RIN2: variants seen among roughly 807,000 people sequenced by gnomAD.
RIN2 encodes the protein RAB5 interacting protein 2.
A neutral mutation model predicts 78.0 loss-of-function variants in RIN2; 36 were observed. The ratio of observed to expected loss-of-function variants is 0.46; its 90% CI spans 0.35 to 0.61. RIN2 has a LOEUF of 0.61. Among genes scored for constraint, RIN2 ranks in the 20% least tolerant of loss-of-function variants. RIN2 has a pLI of 0.00. For missense variants in RIN2, 1,087 were observed against 1,159.7 expected (o/e 0.94, Z 0.91); for synonymous variants, 466 against 466.8 (o/e 1.00, Z 0.02).
chr20:19,776,033 T>C lies in RIN2; in HGVS notation c.-163+17706T>C, dbSNP rs532843319. On this transcript the variant is annotated intron_variant, in intron 1 of 12. Transcript: ENST00000255006. Reference sequence around the variant, plus strand: ...TCTGGCCTCAATCTTTTATGTGCCCTAAAGTCAACCATTAACTTCTTTTCA... The same window carrying C: ...TCTGGCCTCAATCTTTTATGTGCCCCAAAGTCAACCATTAACTTCTTTTCA... Among the ~76,000 whole-genome samples, 5 of 152,376 alleles carry C rather than the reference T, an allele frequency of 3.3e-5. No homozygotes were observed. In the East Asian group the frequency reaches 9.6e-4, roughly 29 times the overall value.
chr20:19,775,396 G>A (rs955111242), intron 1 of RIN2, among the ~76,000 whole-genome samples: 3 of 152,152 alleles, frequency 2.0e-5, no homozygotes, highest in Admixed American at 1.3e-4. Flanking sequence ...CATTGAAGTC[G>A]GTATTTTGGA....
At chr20:19,945,664 T>A (rs2146183333) in intron 4 of RIN2, among the ~76,000 whole-genome samples, 1 of 152,308 alleles carries the variant, frequency 6.6e-6, no homozygotes, top group South Asian at 2.1e-4. Context: ...CACTGACTTT[T>A]CTTTTTATCT....
intron 2 of RIN2, among the ~76,000 whole-genome samples, chr20:19,821,275 T>C (rs2035918491): frequency 6.6e-6 from 1 of 152,202 alleles, no homozygotes; most frequent in South Asian, 2.1e-4. Context: ...CTTTTATCTT[T>C]CTAGATGTCT....
intron 4 of RIN2, among the ~76,000 whole-genome samples, chr20:19,954,914 T>C (rs1197153279): frequency 6.6e-6 from 1 of 152,198 alleles, no homozygotes; most frequent in East Asian, 1.9e-4. Flanking sequence ...AGAACCAGTA[T>C]TGGCACCAAA....
At chr20:19,890,952 T>A (rs79423592) in intron 3 of RIN2, among the ~76,000 whole-genome samples, 2,852 of 152,304 alleles carry the variant, frequency 0.019, 80 homozygotes, top group African/African-American at 0.066. Flanking sequence ...TATATTGAAG[T>A]GGCTCTTGAC....
In RIN2 at chr20:20,002,375, A is replaced by G. The variant is rs1024923742; in HGVS notation, c.*1439A>G. On this transcript the variant is annotated 3_prime_UTR_variant, in exon 13 of 13. Transcript: ENST00000255006. Reference sequence around the variant, plus strand: ...CACATACTGTGTTGTACTTTTGTAAATGATTTTTTAAATGGAATTTTGCAC... The same window carrying G: ...CACATACTGTGTTGTACTTTTGTAAGTGATTTTTTAAATGGAATTTTGCAC... The G allele has an allele frequency of 7.2e-6, 1 of 139,304 alleles. No individual in the cohort carries two copies. The highest frequency in any genetic ancestry group is 1.6e-5 in the Non-Finnish European group (1 of 61,144). 8.6% of individuals were successfully genotyped at this position (139,304 alleles called of 1,614,324 possible).
intron 3 of RIN2, among the ~76,000 whole-genome samples, chr20:19,927,924 A>T (rs1304059558): frequency 6.6e-6 from 1 of 151,864 alleles, no homozygotes; most frequent in African/African-American, 2.4e-5. Flanking sequence ...TGTTTTTGAG[A>T]TGGAGTCTCA....
intron 1 of RIN2, among the ~76,000 whole-genome samples, chr20:19,759,269 G>A (rs896222661): frequency 1.3e-5 from 2 of 152,156 alleles, no homozygotes; most frequent in African/African-American, 4.8e-5. Context: ...TCCTAATTCC[G>A]CAGTGTAGCG....
chr20:19,786,371 A>G (rs991546880), intron 1 of RIN2, among the ~76,000 whole-genome samples: 2 of 152,188 alleles, frequency 1.3e-5, no homozygotes, highest in South Asian at 4.1e-4. Flanking sequence ...AGGAAACCCA[A>G]ACTAGCCCCG....
At chr20:19,949,234 A>G (rs573484332) in intron 4 of RIN2, among the ~76,000 whole-genome samples, 1 of 152,340 alleles carries the variant, frequency 6.6e-6, no homozygotes, top group African/African-American at 2.4e-5. Context: ...GTGAGCCAAG[A>G]CTGCACCATT....
intron 3 of RIN2, among the ~76,000 whole-genome samples, chr20:19,897,059 T>C (rs1249476379): frequency 6.6e-6 from 1 of 152,206 alleles, no homozygotes; most frequent in African/African-American, 2.4e-5. Flanking sequence ...TGAAACCCTG[T>C]GTGTATTTTA....
chr20:19,896,206 T>G (rs895710312), intron 3 of RIN2, among the ~76,000 whole-genome samples: 1 of 152,208 alleles, frequency 6.6e-6, no homozygotes, highest in South Asian at 2.1e-4. Context: ...TATGTTTTTT[T>G]GAGACAAAGT....
At chr20:19,909,738 C>T (rs1294181268) in intron 3 of RIN2, among the ~76,000 whole-genome samples, 1 of 152,200 alleles carries the variant, frequency 6.6e-6, no homozygotes, top group Non-Finnish European at 1.5e-5. Flanking sequence ...GTAGTAGGAG[C>T]CAGCAGAGCT....
intron 2 of RIN2, among the ~76,000 whole-genome samples, chr20:19,860,486 A>T (rs1250512336): frequency 1.3e-5 from 2 of 150,382 alleles, no homozygotes; most frequent in Non-Finnish European, 3.0e-5. Flanking sequence ...CACCCAGCTA[A>T]TTTTTTTTGT....
chr20:19,856,616 G>A (rs1445130512), intron 2 of RIN2, among the ~76,000 whole-genome samples: 2 of 150,168 alleles, frequency 1.3e-5, no homozygotes, highest in East Asian at 3.9e-4. Flanking sequence ...AAGGAAGGAA[G>A]GAAGGAAAGA....
rs1264004128 is a variant in RIN2 at position 19,820,267 on chromosome 20, A to C, written c.-37+20520A>C. Among the ~76,000 whole-genome samples the C allele has an allele frequency of 4.6e-5, 7 of 152,322 alleles. No homozygotes were observed. In the East Asian group the frequency reaches 1.4e-3, roughly 29 times the overall value. ...ATTTGAAAGGTGAAACCAGAAAACA[A>C]AGCCTGATTCTAAATAAGGTCATTT... On this transcript the variant is annotated intron_variant, in intron 2 of 12. Transcript: ENST00000255006.
In RIN2 at chr20:20,001,510, A is replaced by T. The variant is rs2043143919; in HGVS notation, c.*574A>T. On this transcript the variant is annotated 3_prime_UTR_variant, in exon 13 of 13. Transcript: ENST00000255006. Reference sequence around the variant, plus strand: ...AAAATATTCTATAATTATGCATGTGATTTTAACATTTAATATTCAAAAATA... The same window carrying T: ...AAAATATTCTATAATTATGCATGTGTTTTTAACATTTAATATTCAAAAATA... The T allele has an allele frequency of 6.6e-6, 1 of 152,130 alleles. No individual in the cohort carries two copies. The highest frequency in any genetic ancestry group is 6.6e-5 in the Admixed American group (1 of 15,186). 9.4% of individuals were successfully genotyped at this position (152,130 alleles called of 1,614,324 possible).
intron 9 of RIN2, among the ~76,000 whole-genome samples, chr20:19,987,562 T>C (rs1469325846): frequency 6.6e-6 from 1 of 152,224 alleles, no homozygotes; most frequent in African/African-American, 2.4e-5. Context: ...ATATTAGTAT[T>C]GTGCAAAAAT....
At chr20:19,978,458 A>G (rs2042350963) in intron 9 of RIN2, among the ~76,000 whole-genome samples, 3 of 152,222 alleles carry the variant, frequency 2.0e-5, no homozygotes, top group African/African-American at 4.8e-5. Flanking sequence ...AAAAACAAAT[A>G]GTTCTCAGTC....
Sources: allele counts gnomAD v4.1 joint callset (sites outside exome capture counted in the v4.1 genomes callset), GRCh38; gene constraint gnomAD v4.1.1; transcripts MANE v1.5; gene names NCBI Gene and HGNC (gene_info 2026-07-23, HGNC 2026-07-21).